Variants in ZNF793 observed in about 807,000 individuals in gnomAD.
ZNF793 encodes zinc finger protein 793.
Under a neutral mutation model 12.4 loss-of-function variants are expected in ZNF793, and 5 were observed. That is an observed-to-expected ratio of 0.40 (90% CI 0.21 to 0.84). ZNF793 has a LOEUF of 0.84. Among genes scored for constraint, ZNF793 ranks in the 40% least tolerant of loss-of-function variants. ZNF793 has a pLI of 0.35. For synonymous variants in ZNF793, 162 were observed against 172.4 expected, an observed-to-expected ratio of 0.94 and a Z score of 0.47; for missense variants, 456 against 495.0, an observed-to-expected ratio of 0.92 and a Z score of 0.75.
rs915102850 is a variant in ZNF793, at chr19:37,535,357, T to G, written c.239-1540T>G. On this transcript the variant is annotated intron_variant, in intron 7 of 7. Coordinates refer to ENST00000627814, the MANE Select transcript of ZNF793 (RefSeq NM_001013659.3). ...CAGATTATCTCATGACTGAATGTCT[T>G]TAAGTGAGGGGTTATTAATTATTTT... 6 of 152,180 alleles carry G rather than the reference T, an allele frequency of 3.9e-5. No homozygotes were observed. In the East Asian group the frequency reaches 1.2e-3, roughly 29 times the overall value. 9.4% of individuals were successfully genotyped at this position (152,180 alleles called of 1,614,324 possible).
At position 37,537,703 on chromosome 19, in the gene ZNF793, A is replaced by G. The variant is rs1263895671; in HGVS notation, c.1045A>G (p.Ser349Gly). ...TTGCAGAGAATGTGGAAAATCCTTC[A>G]GCCAGAAGTCATGCCTCAATAAACA... ...YRCRECGKSF[S>G]QKSCLNKHWR... The change falls in exon 8 of 8, where the codon AGC (serine) becomes GGC (glycine). Residue 349 changes from serine to glycine, a missense_variant. Transcript: ENST00000627814. The G allele has an allele frequency of 1.2e-6, 2 of 1,613,712 alleles. No individual in the cohort carries two copies. The highest frequency in any genetic ancestry group is 1.7e-6 in the Non-Finnish European group (2 of 1,179,704).
At position 37,542,353 on chromosome 19, in the gene ZNF793, A is replaced by G; in HGVS notation, c.*4474A>G. On this transcript the variant is annotated 3_prime_UTR_variant, in exon 8 of 8. Coordinates refer to ENST00000627814, the MANE Select transcript of ZNF793 (RefSeq NM_001013659.3). ...GGTTGCAGTGAGCCAAGATCGCGCC[A>G]TTGCACTCCAACCTGGGCAACAGAG... is the stretch of plus-strand genomic sequence containing the variant. 1 of 308,504 alleles carries G rather than the reference A, an allele frequency of 3.2e-6. No individual in the cohort carries two copies. Among genetic ancestry groups the G allele is most frequent in the South Asian group, 2.8e-5 (1 of 35,428 alleles). The allele number at this position is 308,504 out of a possible 1,614,324, so 19.1% of individuals were successfully genotyped here. A position where few individuals can be genotyped will look rare whatever the true frequency, so the allele number is the denominator to read the frequency against.
intron 7 of ZNF793, chr19:37,536,116 CCT>C (rs1260187154): frequency 7.3e-5 from 17 of 232,160 alleles, no homozygotes; most frequent in African/African-American, 3.4e-4. Context: ...TCACAAGCCC[CCT>C]GTTTTCTGCC....
At chr19:37,512,050 G>T (rs2042298112) in intron 2 of ZNF793, among the ~76,000 whole-genome samples, 1 of 152,122 alleles carries the variant, frequency 6.6e-6, no homozygotes, top group African/African-American at 2.4e-5. Flanking sequence ...TCTGGAAGCT[G>T]CTGGTAGATT....
Position 37,537,675 on chromosome 19 carries a change from T to C in ZNF793, c.1017T>C (p.Tyr339=). Residue 339 remains tyrosine, a synonymous_variant, in exon 8 of 8, where the codon TAT becomes TAC. Transcript: ENST00000627814. ...AAATGCACACAGGAGAAAGACCGTATCGTTGCAGAGAATGTGGAAAATCCT... is the reference window on the plus strand; with the variant it reads ...AAATGCACACAGGAGAAAGACCGTACCGTTGCAGAGAATGTGGAAAATCCT... The part of the protein sequence containing the change: ...HRKMHTGERP[Y]RCRECGKSFS... 6.2e-7 allele frequency: 1 copy of C among 1,613,630 alleles called. No individual in the cohort carries two copies. Among genetic ancestry groups the C allele is most frequent in the South Asian group, 1.1e-5 (1 of 91,072 alleles).
At chr19:37,536,753 T>C (rs1373550169) in intron 7 of ZNF793, 144 bp from the exon 8 acceptor site, 20 of 821,204 alleles carry the variant, frequency 2.4e-5, no homozygotes, top group Non-Finnish European at 3.6e-5. Context: ...GAATCCTCTT[T>C]ACTCATAGAA....
At chr19:37,530,372 T>C (rs1043613678) in intron 5 of ZNF793, among the ~76,000 whole-genome samples, 8 of 152,138 alleles carry the variant, frequency 5.3e-5, no homozygotes, top group South Asian at 4.1e-4. Flanking sequence ...GGCTGGGGGA[T>C]GGTCAGGTCT....
At chr19:37,523,374 C>G (rs751247111) in intron 4 of ZNF793, 36 bp from the exon 5 acceptor site, 7 of 1,539,568 alleles carry the variant, frequency 4.5e-6, no homozygotes, top group Non-Finnish European at 6.3e-6. Context: ...TCTCTGTTCT[C>G]TCTTTCTCCA....
intron 2 of ZNF793, among the ~76,000 whole-genome samples, chr19:37,516,927 T>G (rs12373517): frequency 1.3e-5 from 2 of 152,086 alleles, no homozygotes; most frequent in South Asian, 4.1e-4. Context: ...ATTACAGGCA[T>G]GAGCCACTGT....
At chr19:37,516,431 G>A (rs1184579258) in intron 2 of ZNF793, among the ~76,000 whole-genome samples, 1 of 152,094 alleles carries the variant, frequency 6.6e-6, no homozygotes, top group Non-Finnish European at 1.5e-5. Flanking sequence ...ACTGTGCCCG[G>A]CCTATGATCT....
rs780425827 is a variant in ZNF793, at chr19:37,537,814, C to G, written c.1156C>G (p.Gln386Glu). The change falls in exon 8 of 8, where the codon CAG (glutamine) becomes GAG (glutamate). Residue 386 changes from glutamine to glutamate, a missense_variant. Physicochemically the swap from Gln to Glu is conservative, Grantham distance 29. Transcript: ENST00000627814. Reference protein sequence around the residue: ...FYQKPNLSRHQKIHARKNAYR... With the variant: ...FYQKPNLSRHEKIHARKNAYR... ...CCAGAAGCCAAACCTCAGCAGACAT[C>G]AGAAAATTCATGCTCGGAAGAATGC... is the stretch of plus-strand genomic sequence containing the variant. The G allele has an allele frequency of 7.4e-6, 12 of 1,613,306 alleles. No individual in the cohort carries two copies. The highest frequency in any genetic ancestry group is 1.6e-4 in the Middle Eastern group (1 of 6,062).
rs1228291214 is a variant in ZNF793, at chr19:37,539,203, A to G, written c.*1324A>G. The G allele has an allele frequency of 3.3e-5, 5 of 152,234 alleles. 1 individual carries two copies. The highest frequency in any genetic ancestry group is 7.3e-5 in the Non-Finnish European group (5 of 68,032). The allele number at this position is 152,234 out of a possible 1,614,324, so 9.4% of individuals were successfully genotyped here. On this transcript the variant is annotated 3_prime_UTR_variant, in exon 8 of 8. Coordinates refer to ENST00000627814, the MANE Select transcript of ZNF793 (RefSeq NM_001013659.3). ...TGATACTGGGTAAATGAAACACTGT[A>G]AACTATTTGACAAAATGTAGTGTCA...
At chr19:37,534,511 C>T (rs1425359070) in intron 7 of ZNF793, 2 of 151,996 alleles carry the variant, frequency 1.3e-5, no homozygotes, top group African/African-American at 4.8e-5. Context: ...CACACACACA[C>T]ACACACGCAC....
At chr19:37,529,381 C>T (rs1265063013) in intron 5 of ZNF793, among the ~76,000 whole-genome samples, 2 of 152,296 alleles carry the variant, frequency 1.3e-5, no homozygotes, top group South Asian at 2.1e-4. Flanking sequence ...AGGTCACCCA[C>T]CACACTTCTC....
At chr19:37,525,542 T>C (rs1422697642) in intron 5 of ZNF793, among the ~76,000 whole-genome samples, 1 of 150,820 alleles carries the variant, frequency 6.6e-6, no homozygotes, top group Non-Finnish European at 1.5e-5. Context: ...GTTCAAGCGA[T>C]TCTCCTGCCT....
chr19:37,520,805 A>G (rs886587890), intron 3 of ZNF793, among the ~76,000 whole-genome samples: 3 of 152,142 alleles, frequency 2.0e-5, no homozygotes, highest in African/African-American at 7.2e-5. Context: ...AGTTCACTCC[A>G]TCCTGACTCA....
At position 37,542,541 on chromosome 19, in the gene ZNF793, C is replaced by CA. The variant is rs1354530045; in HGVS notation, c.*4669dup. On this transcript the variant is annotated 3_prime_UTR_variant, in exon 8 of 8. Coordinates refer to ENST00000627814, the MANE Select transcript of ZNF793 (RefSeq NM_001013659.3). ...TTATTGTAAAAATTGTTCTTAATGGCAAAAAAACCCCCAAAACCAAAGCAA... is the reference window on the plus strand; with the variant it reads ...TTATTGTAAAAATTGTTCTTAATGGCAAAAAAAACCCCCAAAACCAAAGCAA... 37 of 341,160 alleles carry CA rather than the reference C, an allele frequency of 1.1e-4. No homozygotes were observed. Among genetic ancestry groups the CA allele is most frequent in the South Asian group, 6.3e-4 (27 of 43,106 alleles). 21.1% of individuals were successfully genotyped at this position (341,160 alleles called of 1,614,324 possible). A position where few individuals can be genotyped will look rare whatever the true frequency, so the allele number is the denominator to read the frequency against.
At chr19:37,518,797 T>A (rs200190569) in intron 2 of ZNF793, among the ~76,000 whole-genome samples, 1 of 117,404 alleles carries the variant, frequency 8.5e-6, no homozygotes, top group Non-Finnish European at 1.8e-5. Context: ...AAATAGATAA[T>A]GAAAAAAAAA....
At position 37,537,947 on chromosome 19, in the gene ZNF793, T is replaced by G; in HGVS notation, c.*68T>G. On this transcript the variant is annotated 3_prime_UTR_variant, in exon 8 of 8. Coordinates refer to ENST00000627814, the MANE Select transcript of ZNF793 (RefSeq NM_001013659.3). Reference sequence around the variant, plus strand: ...TTTTTTTTGAGTTGGAATCTCACTTTGTCACCCAGGCTGGAGTGCAGTGGC... The same window carrying G: ...TTTTTTTTGAGTTGGAATCTCACTTGGTCACCCAGGCTGGAGTGCAGTGGC... 2 of 1,444,058 alleles carry G rather than the reference T, an allele frequency of 1.4e-6. No individual in the cohort carries two copies. The highest frequency in any genetic ancestry group is 1.8e-6 in the Non-Finnish European group (2 of 1,100,568). 89.5% of individuals were successfully genotyped at this position (1,444,058 alleles called of 1,614,324 possible).
Sources: gnomAD v4.1 joint callset for allele counts (sites outside exome capture counted in the v4.1 genomes callset) on GRCh38, gnomAD v4.1.1 for gene constraint, MANE v1.5 for transcripts, NCBI Gene and HGNC (gene_info 2026-07-23, HGNC 2026-07-21) for gene names.